Variants in USP27X observed in about 807,000 individuals in gnomAD.
The protein encoded by USP27X is ubiquitin carboxyl-terminal hydrolase 27.
For missense variants in USP27X, 161 were observed against 341.0 expected, an observed-to-expected ratio of 0.47 and a Z score of 4.16; for synonymous variants, 109 against 141.5, an observed-to-expected ratio of 0.77 and a Z score of 1.63.
Position 49,880,888 on chromosome X carries a change from A to G in USP27X, c.581A>G (p.His194Arg), listed in dbSNP as rs1924374234. The change falls in exon 1 of 1, where the codon CAC (histidine) becomes CGC (arginine). Residue 194 changes from histidine (H) to arginine (R), a missense_variant. Coordinates refer to ENST00000621775, the MANE Select transcript of USP27X (RefSeq NM_001145073.3). ...DVGKAANNPNHCNCIIDQIFT... is the reference protein window; with the variant it reads ...DVGKAANNPNRCNCIIDQIFT... ...GGGAAGGCGGCCAACAATCCCAACC[A>G]CTGTAACTGCATCATAGACCAAATC... The G allele has an allele frequency of 8.3e-7, 1 of 1,210,311 alleles. No individual in the cohort carries two copies. The highest frequency in any genetic ancestry group is 1.1e-6 in the Non-Finnish European group (1 of 894,825).
In USP27X at chrX:49,881,607, AAC is replaced by A; in HGVS notation, c.1306_1307del (p.Gln436SerfsTer5). On this transcript the variant is annotated frameshift_variant, in exon 1 of 1. Transcript: ENST00000621775. LOFTEE classifies it high-confidence loss of function. ...TGAGTCAGAAAAAGTGAAAGAAATG[AAC>A]ACACAAGCCTACTGAAGTGACACAC... ...EHESEKVKEMNTQAY is the reference protein window; with the variant it reads ...EHESEKVKEMXTQAY 3.4e-6 allele frequency: 4 copies of A among 1,162,124 alleles called. No individual in the cohort carries two copies. Among genetic ancestry groups the A allele is most frequent in the Non-Finnish European group, 4.6e-6 (4 of 869,231 alleles).
chrX:49,881,201 A>G lies in USP27X; in HGVS notation c.894A>G (p.Thr298=). The G allele has an allele frequency of 2.6e-6, 3 of 1,168,209 alleles. No homozygotes were observed. Among genetic ancestry groups the G allele is most frequent in the Non-Finnish European group, 3.4e-6 (3 of 873,273 alleles). Reference sequence around the variant, plus strand: ...ACCAGGAATCTACCAAACAGCTCACAATGAATAAATTACCTGTCGTTGCCT... The same window carrying G: ...ACCAGGAATCTACCAAACAGCTCACGATGAATAAATTACCTGTCGTTGCCT... The part of the protein sequence containing the change: ...QSYQESTKQL[T]MNKLPVVACF... The change falls in exon 1 of 1, where the codon ACA becomes ACG. Residue 298 remains threonine, a synonymous_variant. Transcript: ENST00000621775.
Position 49,881,471 on chromosome X carries a change from C to T in USP27X, c.1164C>T (p.His388=), listed in dbSNP as rs1924388756. 8.3e-7 allele frequency: 1 copy of T among 1,209,828 alleles called. No homozygotes were observed. The highest frequency in any genetic ancestry group is 2.2e-5 in the Admixed American group (1 of 45,815). ...SGHYTSFIRH[H]KDQWFKCDDA... ...ACTATACCAGCTTCATCCGGCACCA[C>T]AAGGACCAGTGGTTCAAGTGTGATG... Residue 388 remains histidine (H), a synonymous_variant, in exon 1 of 1, where the codon CAC becomes CAT. Coordinates refer to ENST00000621775, the MANE Select transcript of USP27X (RefSeq NM_001145073.3).
In USP27X at chrX:49,880,293, G is replaced by A. The variant is rs782252759; in HGVS notation, c.-15G>A. ...CTTAGCAGTAGACCTGTATTACGGA[G>A]GTATATACTGCTTTATGTGTAAGGA... On this transcript the variant is annotated 5_prime_UTR_variant, in exon 1 of 1. Transcript: ENST00000621775. The A allele has an allele frequency of 9.0e-7, 1 of 1,108,910 alleles. No individual in the cohort carries two copies. Among genetic ancestry groups the A allele is most frequent in the South Asian group, 2.1e-5 (1 of 46,972 alleles). 91.4% of individuals were successfully genotyped at this position (1,108,910 alleles called of 1,213,427 possible). A position where few individuals can be genotyped will look rare whatever the true frequency, so the allele number is the denominator to read the frequency against.
chrX:49,880,490 G>A lies in USP27X; in HGVS notation c.183G>A (p.Gly61=), dbSNP rs1924364024. ...ETTKPELELL[G]HNPRRRRITS... is the part of the protein sequence containing the mutation. ...CCAAACCAGAATTAGAACTGCTGGGGCACAACCCGAGGAGAAGAAGAATCA... is the reference window on the plus strand; with the variant it reads ...CCAAACCAGAATTAGAACTGCTGGGACACAACCCGAGGAGAAGAAGAATCA... The change falls in exon 1 of 1, where the codon GGG becomes GGA. Residue 61 remains glycine (G), a synonymous_variant. Transcript: ENST00000621775. 8.6e-7 allele frequency: 1 copy of A among 1,166,057 alleles called. No individual in the cohort carries two copies. Among genetic ancestry groups the A allele is most frequent in the Non-Finnish European group, 1.1e-6 (1 of 872,775 alleles).
In USP27X at chrX:49,879,508, A is replaced by AGGAGGTAGAGGAGGCGGAGACGGC. The variant is rs1924331318; in HGVS notation, c.-795_-772dup. The stretch of plus-strand genomic sequence containing the variant: ...GAGGAGCCGCCGCCAGTGGAGGCGG[A>AGGAGGTAGAGGAGGCGGAGACGGC]GGAGGTAGAGGAGGCGGAGACGGCG... On this transcript the variant is annotated 5_prime_UTR_variant, in exon 1 of 1. Transcript: ENST00000621775. 9.0e-6 allele frequency among the ~76,000 whole-genome samples: 1 copy of AGGAGGTAGAGGAGGCGGAGACGGC among 110,539 alleles called. No homozygotes were observed. Among genetic ancestry groups the AGGAGGTAGAGGAGGCGGAGACGGC allele is most frequent in the East Asian group, 2.9e-4 (1 of 3,460 alleles).
chrX:49,881,255 A>T lies in USP27X; in HGVS notation c.948A>T (p.Ser316=). Residue 316 remains serine, a synonymous_variant, in exon 1 of 1, where the codon TCA becomes TCT. Coordinates refer to ENST00000621775, the MANE Select transcript of USP27X (RefSeq NM_001145073.3). The part of the protein sequence containing the change: ...ACFHFKRFEH[S]AKQRRKITTY... The stretch of plus-strand genomic sequence containing the variant: ...TTCATTTCAAACGGTTTGAACATTC[A>T]GCGAAACAGAGGCGCAAGATCACTA... The T allele has an allele frequency of 4.3e-6, 5 of 1,168,527 alleles. No homozygotes were observed. The highest frequency in any genetic ancestry group is 5.7e-6 in the Non-Finnish European group (5 of 873,270).
Position 49,881,200 on chromosome X carries a change from C to T in USP27X, c.893C>T (p.Thr298Ile). The change falls in exon 1 of 1, where the codon ACA (threonine) becomes ATA (isoleucine). Residue 298 changes from threonine (T) to isoleucine (I), a missense_variant. By Grantham distance (89) the Thr-to-Ile change is moderately conservative. Coordinates refer to ENST00000621775, the MANE Select transcript of USP27X (RefSeq NM_001145073.3). ...TACCAGGAATCTACCAAACAGCTCA[C>T]AATGAATAAATTACCTGTCGTTGCC... Reference protein sequence around the residue: ...QSYQESTKQLTMNKLPVVACF... With the variant: ...QSYQESTKQLIMNKLPVVACF... 8.6e-7 allele frequency: 1 copy of T among 1,168,355 alleles called. No individual in the cohort carries two copies. Among genetic ancestry groups the T allele is most frequent in the African/African-American group, 1.8e-5 (1 of 56,349 alleles).
Position 49,882,439 on chromosome X carries a change from C to T in USP27X, c.*815C>T, listed in dbSNP as rs1013980376. ...CGATTGTTTTATCATCTGTAAAATG[C>T]AGATAATTCCTACCTTAAAGGGTTA... On this transcript the variant is annotated 3_prime_UTR_variant, in exon 1 of 1. Coordinates refer to ENST00000621775, the MANE Select transcript of USP27X (RefSeq NM_001145073.3). 1 of 122,293 alleles carries T rather than the reference C, an allele frequency of 8.2e-6. No individual in the cohort carries two copies. The allele number at this position is 122,293 out of a possible 1,213,427, so 10.1% of individuals were successfully genotyped here. A position where few individuals can be genotyped will look rare whatever the true frequency, so the allele number is the denominator to read the frequency against.
chrX:49,881,042 A>G lies in USP27X; in HGVS notation c.735A>G (p.Pro245=), dbSNP rs1557162663. ...GCACCTCCTTCTGGCCCATGAGCCCAGGGAGGGAGAGCAGTGTGAACGGGG... is the reference window on the plus strand; with the variant it reads ...GCACCTCCTTCTGGCCCATGAGCCCGGGGAGGGAGAGCAGTGTGAACGGGG... ...GSCTSFWPMS[P]GRESSVNGES... is the part of the protein sequence containing the mutation. The change falls in exon 1 of 1, where the codon CCA becomes CCG. Residue 245 remains proline (P), a synonymous_variant. Transcript: ENST00000621775. 8.5e-7 allele frequency: 1 copy of G among 1,181,674 alleles called. No homozygotes were observed. The highest frequency in any genetic ancestry group is 2.5e-5 in the Admixed American group (1 of 40,787).
rs916757168 is a variant in USP27X at position 49,881,318 on chromosome X, G to T, written c.1011G>T (p.Pro337=). ...TTCCTCTGGAGCTGGATATGACGCC[G>T]TTTATGGCCTCAAGTAAAGAGAGCA... ...ISFPLELDMT[P]FMASSKESRM... is the part of the protein sequence containing the mutation. Residue 337 remains proline (P), a synonymous_variant, in exon 1 of 1, where the codon CCG becomes CCT. Transcript: ENST00000621775. The T allele has an allele frequency of 4.3e-6, 5 of 1,173,134 alleles. No individual in the cohort carries two copies. Among genetic ancestry groups the T allele is most frequent in the East Asian group, 3.2e-5 (1 of 31,480 alleles).
In USP27X at chrX:49,879,926, C is replaced by T. The variant is rs1363880662; in HGVS notation, c.-382C>T. ...CCCGGCCCCGGCCCCAGACCCGGCT[C>T]CGTACCCCGCCGCAGCCTAGGCCCC... On this transcript the variant is annotated 5_prime_UTR_variant, in exon 1 of 1. Coordinates refer to ENST00000621775, the MANE Select transcript of USP27X (RefSeq NM_001145073.3). 1 of 112,548 alleles carries T rather than the reference C, an allele frequency of 8.9e-6. No homozygotes were observed. Among genetic ancestry groups the T allele is most frequent in the Non-Finnish European group, 1.9e-5 (1 of 52,996 alleles). 9.3% of individuals were successfully genotyped at this position (112,548 alleles called of 1,213,427 possible). A position where few individuals can be genotyped will look rare whatever the true frequency, so the allele number is the denominator to read the frequency against.
Position 49,881,259 on chromosome X carries a change from A to C in USP27X, c.952A>C (p.Lys318Gln). 8.6e-7 allele frequency: 1 copy of C among 1,168,708 alleles called. No individual in the cohort carries two copies. Among genetic ancestry groups the C allele is most frequent in the Non-Finnish European group, 1.1e-6 (1 of 873,326 alleles). The change falls in exon 1 of 1, where the codon AAA becomes CAA. Residue 318 changes from lysine (K) to glutamine (Q), a missense_variant. Physicochemically the swap from Lys to Gln is moderately conservative, Grantham distance 53. Coordinates refer to ENST00000621775, the MANE Select transcript of USP27X (RefSeq NM_001145073.3). ...FHFKRFEHSA[K>Q]QRRKITTYIS... ...TTTCAAACGGTTTGAACATTCAGCG[A>C]AACAGAGGCGCAAGATCACTACATA...
chrX:49,880,791 C>A lies in USP27X; in HGVS notation c.484C>A (p.Gln162Lys). 1 of 1,177,809 alleles carries A rather than the reference C, an allele frequency of 8.5e-7. No individual in the cohort carries two copies. Among genetic ancestry groups the A allele is most frequent in the Non-Finnish European group, 1.1e-6 (1 of 877,856 alleles). Residue 162 changes from glutamine to lysine, a missense_variant, in exon 1 of 1, where the codon CAA (glutamine) becomes AAA (lysine). Gln to Lys is a moderately conservative substitution (Grantham distance 53). Transcript: ENST00000621775. Reference sequence around the variant, plus strand: ...TGCCCGCCATTTAGCAGGGTACAGGCAACAGGATGCCCACGAGTTCCTCAT... The same window carrying A: ...TGCCCGCCATTTAGCAGGGTACAGGAAACAGGATGCCCACGAGTTCCTCAT... ...IHARHLAGYRQQDAHEFLIAA... is the reference protein window; with the variant it reads ...IHARHLAGYRKQDAHEFLIAA...
Position 49,881,591 on chromosome X carries a change from AAAAGTG to A in USP27X, c.1289_1294del (p.Val430_Lys431del). On this transcript the variant is annotated inframe_deletion, in exon 1 of 1. Transcript: ENST00000621775. ...AACAGGTGCTAGAACATGAGTCAGA[AAAAGTG>A]AAAGAAATGAACACACAAGCCTACT... The A allele has an allele frequency of 1.7e-6, 2 of 1,172,534 alleles. No homozygotes were observed. Among genetic ancestry groups the A allele is most frequent in the Non-Finnish European group, 2.3e-6 (2 of 874,441 alleles).
At position 49,881,340 on chromosome X, in the gene USP27X, A is replaced by G; in HGVS notation, c.1033A>G (p.Ser345Gly). ...MTPFMASSKE[S>G]RMNGQLQLPT... ...GCCGTTTATGGCCTCAAGTAAAGAG[A>G]GCAGAATGAATGGACAATTGCAGCT... Residue 345 changes from serine (S) to glycine (G), a missense_variant, in exon 1 of 1, where the codon AGC (serine) becomes GGC (glycine). Coordinates refer to ENST00000621775, the MANE Select transcript of USP27X (RefSeq NM_001145073.3). 1 of 1,183,025 alleles carries G rather than the reference A, an allele frequency of 8.5e-7. No individual in the cohort carries two copies. Among genetic ancestry groups the G allele is most frequent in the Non-Finnish European group, 1.1e-6 (1 of 880,587 alleles).
At position 49,881,632 on chromosome X, in the gene USP27X, CACAG is replaced by C; in HGVS notation, c.*11_*14del. On this transcript the variant is annotated 3_prime_UTR_variant, in exon 1 of 1. Coordinates refer to ENST00000621775, the MANE Select transcript of USP27X (RefSeq NM_001145073.3). ...AACACACAAGCCTACTGAAGTGACACACAGACCTACCTGCAATGGAAGATGACGA... is the reference window on the plus strand; with the variant it reads ...AACACACAAGCCTACTGAAGTGACACACCTACCTGCAATGGAAGATGACGA... 8.9e-7 allele frequency: 1 copy of C among 1,125,865 alleles called. No homozygotes were observed. Among genetic ancestry groups the C allele is most frequent in the Non-Finnish European group, 1.2e-6 (1 of 843,592 alleles). 92.8% of individuals were successfully genotyped at this position (1,125,865 alleles called of 1,213,427 possible). A position where few individuals can be genotyped will look rare whatever the true frequency, so the allele number is the denominator to read the frequency against.
Position 49,881,599 on chromosome X carries a change from A to T in USP27X, c.1292A>T (p.Lys431Ile). The T allele has an allele frequency of 8.6e-7, 1 of 1,167,273 alleles. No individual in the cohort carries two copies. Among genetic ancestry groups the T allele is most frequent in the African/African-American group, 1.8e-5 (1 of 56,656 alleles). ...CTAGAACATGAGTCAGAAAAAGTGAAAGAAATGAACACACAAGCCTACTGA... is the reference window on the plus strand; with the variant it reads ...CTAGAACATGAGTCAGAAAAAGTGATAGAAATGAACACACAAGCCTACTGA... Reference protein sequence around the residue: ...QVLEHESEKVKEMNTQAY With the variant: ...QVLEHESEKVIEMNTQAY The change falls in exon 1 of 1, where the codon AAA (lysine) becomes ATA (isoleucine). Residue 431 changes from lysine (K) to isoleucine (I), a missense_variant. Physicochemically the swap from Lys to Ile is moderately radical, Grantham distance 102. Coordinates refer to ENST00000621775, the MANE Select transcript of USP27X (RefSeq NM_001145073.3).
At position 49,881,031 on chromosome X, in the gene USP27X, C is replaced by A. The variant is rs1259387711; in HGVS notation, c.724C>A (p.Pro242Thr). The A allele has an allele frequency of 3.4e-6, 4 of 1,185,409 alleles. No homozygotes were observed. Among genetic ancestry groups the A allele is most frequent in the Non-Finnish European group, 4.5e-6 (4 of 882,268 alleles). Residue 242 changes from proline (P) to threonine (T), a missense_variant, in exon 1 of 1, where the codon CCC (proline) becomes ACC (threonine). Physicochemically the swap from Pro to Thr is conservative, Grantham distance 38 (BLOSUM62 -1). Coordinates refer to ENST00000621775, the MANE Select transcript of USP27X (RefSeq NM_001145073.3). ...GCCTGGCTCTTGCACCTCCTTCTGG[C>A]CCATGAGCCCAGGGAGGGAGAGCAG... is the stretch of plus-strand genomic sequence containing the variant. Reference protein sequence around the residue: ...DLPGSCTSFWPMSPGRESSVN... With the variant: ...DLPGSCTSFWTMSPGRESSVN...
Sources: gnomAD v4.1 joint callset for allele counts (sites outside exome capture counted in the v4.1 genomes callset) on GRCh38, gnomAD v4.1.1 for gene constraint, MANE v1.5 for transcripts, NCBI Gene and HGNC (gene_info 2026-07-23, HGNC 2026-07-21) for gene names.